TBC1D9: variants seen among roughly 807,000 people sequenced by gnomAD.
TBC1D9 encodes TBC1 domain family member 9A.
In TBC1D9, 63 loss-of-function variants were observed where a neutral mutation model predicts 132.0. The ratio of observed to expected loss-of-function variants is 0.48; its 90% CI spans 0.39 to 0.59. TBC1D9 has a LOEUF of 0.59. Among genes scored for constraint, TBC1D9 ranks in the 20% least tolerant of loss-of-function variants. TBC1D9 has a pLI of 0.00. For missense variants in TBC1D9, 1,261 were observed against 1,592.7 expected (o/e 0.79, Z 3.54); for synonymous variants, 610 against 609.9 (o/e 1.00, Z 0.00).
chr4:140,684,923 T>A (rs1286229753), intron 3 of TBC1D9, among the ~76,000 whole-genome samples: 1 of 151,942 alleles, frequency 6.6e-6, no homozygotes, highest in African/African-American at 2.4e-5. Context: ...AGCACCAAAA[T>A]AATTAAGTCC....
At position 140,640,868 on chromosome 4, in the gene TBC1D9, C is replaced by T. The variant is rs187403774; in HGVS notation, c.2338-1440G>A. 1.0e-4 allele frequency among the ~76,000 whole-genome samples: 14 copies of T among 137,664 alleles called. No individual in the cohort carries two copies. The East Asian group carries it at 2.9e-3, about 29-fold the overall frequency. 90.3% of individuals were successfully genotyped at this position (137,664 alleles called of 152,430 possible). On this transcript the variant is annotated intron_variant, in intron 13 of 20. Transcript: ENST00000442267. The stretch of plus-strand genomic sequence containing the variant: ...TTCCACTACTAAGTATATAACCCCC[C>T]CAAGAAGCATATACATATATGCTAT...
chr4:140,755,949 C>A lies in TBC1D9; in HGVS notation c.97G>T (p.Ala33Ser), dbSNP rs780712720. Residue 33 changes from alanine to serine, a missense_variant, in exon 1 of 21, where the codon GCC becomes TCC. Physicochemically the swap from Ala to Ser is moderately conservative, Grantham distance 99. This residue lies in a region of TBC1D9 where 550 missense variants were observed against 699.0 expected (regional missense o/e 0.79). Transcript: ENST00000442267. ...YFILQRRKGH[A>S]GDGGGGGGLA... ...CCGCCGCCGCCGCCTCCATCGCCGG[C>A]GTGGCCCTTCCTCCGCTGCAGGATG... The A allele has an allele frequency of 1.3e-6, 2 of 1,595,902 alleles. No individual in the cohort carries two copies. The highest frequency in any genetic ancestry group is 1.7e-6 in the Non-Finnish European group (2 of 1,172,430).
At chr4:140,623,484 C>T (rs953095201) in intron 20 of TBC1D9, among the ~76,000 whole-genome samples, 1 of 152,188 alleles carries the variant, frequency 6.6e-6, no homozygotes, top group Non-Finnish European at 1.5e-5. Context: ...ATACATTTGG[C>T]TCAGTAACTT....
intron 1 of TBC1D9, among the ~76,000 whole-genome samples, chr4:140,735,854 G>C (rs1370268013): frequency 6.6e-6 from 1 of 152,210 alleles, no homozygotes; most frequent in Non-Finnish European, 1.5e-5. Flanking sequence ...AACAACAAGA[G>C]ATAAGAGCTG....
At chr4:140,669,937 C>A in intron 7 of TBC1D9, 133 bp from the exon 8 acceptor site, 2 of 914,220 alleles carry the variant, frequency 2.2e-6, no homozygotes, top group Non-Finnish European at 3.2e-6. Flanking sequence ...TGAAGAAACA[C>A]GAGAAAAGCA....
At position 140,622,082 on chromosome 4, in the gene TBC1D9, C is replaced by T. The variant is rs371718189; in HGVS notation, c.*113G>A. The T allele has an allele frequency of 2.4e-4, 328 of 1,391,554 alleles. 4 individuals are homozygous for T. The East Asian group carries it at 8.0e-3, about 34-fold the overall frequency. 86.2% of individuals were successfully genotyped at this position (1,391,554 alleles called of 1,614,324 possible). ...CATTATGAAAACACTAGGCTTCAAG[C>T]CAGGTACTAATAAATATTTAATTTA... On this transcript the variant is annotated 3_prime_UTR_variant, in exon 21 of 21. Coordinates refer to ENST00000442267, the MANE Select transcript of TBC1D9 (RefSeq NM_015130.3).
chr4:140,710,833 A>G (rs937911628), intron 1 of TBC1D9, among the ~76,000 whole-genome samples: 34 of 152,326 alleles, frequency 2.2e-4, no homozygotes, highest in African/African-American at 7.7e-4. Flanking sequence ...TGTGGGGCCC[A>G]GTGCAAAAAG....
chr4:140,623,993 C>G, intron 20 of TBC1D9, 123 bp downstream of exon 20: 2 of 720,046 alleles, frequency 2.8e-6, no homozygotes, highest in Non-Finnish European at 4.3e-6. Flanking sequence ...CAAATGGATA[C>G]TAAGTAAAGG....
intron 1 of TBC1D9, among the ~76,000 whole-genome samples, chr4:140,747,017 A>T (rs542992253): frequency 1.3e-3 from 202 of 151,262 alleles, no homozygotes; most frequent in South Asian, 3.7e-3. Flanking sequence ...ATAAAAATAA[A>T]AAATAAATAA....
intron 9 of TBC1D9, among the ~76,000 whole-genome samples, chr4:140,666,123 T>C (rs1737440191): frequency 6.6e-6 from 1 of 152,148 alleles, no homozygotes; most frequent in Non-Finnish European, 1.5e-5. Context: ...TATTTGGCCA[T>C]AAAAAGGAAT....
intron 2 of TBC1D9, among the ~76,000 whole-genome samples, chr4:140,693,483 C>A (rs1468020745): frequency 6.6e-6 from 1 of 152,176 alleles, no homozygotes; most frequent in African/African-American, 2.4e-5. Flanking sequence ...ATTACTTTAA[C>A]CTCTTTGTCC....
intron 13 of TBC1D9, chr4:140,645,108 C>A: frequency 1.8e-6 from 1 of 550,922 alleles, no homozygotes; most frequent in Non-Finnish European, 3.5e-6. Context: ...GGGGTTCAGG[C>A]CTTTAGGAGC....
chr4:140,628,039 G>C (rs1478148785), intron 17 of TBC1D9, among the ~76,000 whole-genome samples: 2 of 152,264 alleles, frequency 1.3e-5, no homozygotes, highest in South Asian at 2.1e-4. Context: ...GTGTTACCAA[G>C]TGCTATTTAT....
intron 1 of TBC1D9, among the ~76,000 whole-genome samples, chr4:140,719,951 C>A (rs1461873620): frequency 1.3e-5 from 2 of 152,156 alleles, no homozygotes; most frequent in Non-Finnish European, 2.9e-5. Context: ...AGGGTCATGA[C>A]CTTGGGGCAA....
intron 1 of TBC1D9, among the ~76,000 whole-genome samples, chr4:140,714,791 A>G (rs1256806399): frequency 6.6e-6 from 1 of 152,180 alleles, no homozygotes; most frequent in Non-Finnish European, 1.5e-5. Context: ...ATGTGATGCT[A>G]TACTAGAGTC....
At chr4:140,673,127 C>A (rs1486919377) in intron 6 of TBC1D9, among the ~76,000 whole-genome samples, 1 of 150,958 alleles carries the variant, frequency 6.6e-6, no homozygotes, top group Non-Finnish European at 1.5e-5. Context: ...GACTGTGCCA[C>A]TGCACTCCAG....
In TBC1D9 at chr4:140,657,102, A is replaced by G; in HGVS notation, c.2332T>C (p.Tyr778His). Residue 778 changes from tyrosine (Y) to histidine (H), a missense_variant, in exon 13 of 21, where the codon TAC becomes CAC. By Grantham distance (83) the Tyr-to-His change is moderately conservative. Coordinates refer to ENST00000442267, the MANE Select transcript of TBC1D9 (RefSeq NM_015130.3). The stretch of plus-strand genomic sequence containing the variant: ...AGCCAGGAGACAAGACCTACCTCGT[A>G]GGAAGTTCTGATGAGTCTAAAGATG... ...VDIFRLIRTS[Y>H]EKFGTIRADL... is the part of the protein sequence containing the mutation. 1 of 1,613,544 alleles carries G rather than the reference A, an allele frequency of 6.2e-7. No individual in the cohort carries two copies. Among genetic ancestry groups the G allele is most frequent in the Non-Finnish European group, 8.5e-7 (1 of 1,179,726 alleles).
At chr4:140,644,557 G>A (rs549670935) in intron 13 of TBC1D9, 57 of 306,796 alleles carry the variant, frequency 1.9e-4, no homozygotes, top group African/African-American at 7.0e-4. Context: ...CCTTGCCCCC[G>A]GCCCCCAGGC....
chr4:140,728,970 T>C (rs1243825659), intron 1 of TBC1D9, among the ~76,000 whole-genome samples: 31 of 152,196 alleles, frequency 2.0e-4, no homozygotes. Flanking sequence ...GGTCGAAATC[T>C]ACTTCTCTGG....
Sources: gnomAD v4.1 joint callset for allele counts (sites outside exome capture counted in the v4.1 genomes callset) on GRCh38, gnomAD v4.1.1 for gene constraint, gnomAD v4.1.1 regional missense constraint, MANE v1.5 for transcripts, NCBI Gene and HGNC (gene_info 2026-07-23, HGNC 2026-07-21) for gene names.